The following TNFRSF10D variants were observed in gnomAD, a reference collection of about 807,000 sequenced individuals.
TNFRSF10D encodes the protein tumor necrosis factor receptor superfamily member 10D.
A neutral mutation model predicts 42.1 loss-of-function variants in TNFRSF10D; 28 were observed. The ratio of observed to expected loss-of-function variants is 0.66; its 90% CI spans 0.49 to 0.91. The LOEUF (loss-of-function observed/expected upper bound fraction) is 0.91. Among genes scored for constraint, TNFRSF10D ranks in the 40% least tolerant of loss-of-function variants. The pLI, the probability that TNFRSF10D is intolerant of heterozygous loss-of-function variation, is 0.00. For missense variants in TNFRSF10D, 503 were observed against 486.1 expected (o/e 1.03, Z -0.33); for synonymous variants, 186 against 189.4 (o/e 0.98, Z 0.15).
At chr8:23,158,647 G>T (rs1298023937) in intron 1 of TNFRSF10D, among the ~76,000 whole-genome samples, 2 of 152,032 alleles carry the variant, frequency 1.3e-5, no homozygotes, top group African/African-American at 4.8e-5. Flanking sequence ...TTTTTCCCCT[G>T]CACATTTTAA....
intron 1 of TNFRSF10D, among the ~76,000 whole-genome samples, chr8:23,162,524 A>C (rs919021819): frequency 8.6e-5 from 13 of 150,962 alleles, no homozygotes; most frequent in African/African-American, 3.2e-4. Context: ...GTTTTTTGGT[A>C]TTACGTAAGA....
chr8:23,138,567 A>T (rs1281648701), intron 7 of TNFRSF10D, among the ~76,000 whole-genome samples: 3 of 151,976 alleles, frequency 2.0e-5, no homozygotes, highest in Admixed American at 2.0e-4. Context: ...CTTCTGCCCC[A>T]TCTAATCAAC....
At chr8:23,159,355 G>C (rs1334879432) in intron 1 of TNFRSF10D, among the ~76,000 whole-genome samples, 3 of 151,962 alleles carry the variant, frequency 2.0e-5, no homozygotes, top group Non-Finnish European at 4.4e-5. Context: ...AGCAGGAGAT[G>C]AAAGTCCCCA....
chr8:23,159,990 G>A (rs145368754), intron 1 of TNFRSF10D, among the ~76,000 whole-genome samples: 3 of 151,444 alleles, frequency 2.0e-5, no homozygotes, highest in Non-Finnish European at 4.4e-5. Context: ...TCTCAATGGT[G>A]ACTCTAACCA....
rs1814341553 is a variant in TNFRSF10D at position 23,136,977 on chromosome 8, A to G, written c.*893T>C. ...GATTTCTCCCTCCGTCACTAGTTAT[A>G]TTTTTAGTCATTTTTGACTGCTGAT... On this transcript the variant is annotated 3_prime_UTR_variant, in exon 9 of 9. Transcript: ENST00000312584. The G allele has an allele frequency of 6.6e-6, 1 of 152,070 alleles. No homozygotes were observed. The highest frequency in any genetic ancestry group is 1.5e-5 in the Non-Finnish European group (1 of 68,018). 9.4% of individuals were successfully genotyped at this position (152,070 alleles called of 1,614,324 possible). A position where few individuals can be genotyped will look rare whatever the true frequency, so the allele number is the denominator to read the frequency against.
chr8:23,145,530 C>G, intron 5 of TNFRSF10D, 138 bp downstream of exon 5: 1 of 1,292,930 alleles, frequency 7.7e-7, no homozygotes, highest in Non-Finnish European at 1.1e-6. Context: ...GGGGATGGGG[C>G]GATCACAAGA....
At chr8:23,162,385 G>C (rs577502707) in intron 1 of TNFRSF10D, among the ~76,000 whole-genome samples, 104 of 152,300 alleles carry the variant, frequency 6.8e-4, no homozygotes, top group Non-Finnish European at 1.4e-3. Flanking sequence ...ATAAACTATT[G>C]TAGAAGTCAG....
chr8:23,142,497 C>T (rs1031240411), intron 7 of TNFRSF10D, among the ~76,000 whole-genome samples: 8 of 152,230 alleles, frequency 5.3e-5, no homozygotes, highest in African/African-American at 1.4e-4. Flanking sequence ...AATGTAGGAA[C>T]GCAAAACCAA....
At chr8:23,144,330 G>T in intron 7 of TNFRSF10D, 120 bp downstream of exon 7, 2 of 1,196,812 alleles carry the variant, frequency 1.7e-6, no homozygotes, top group Non-Finnish European at 2.3e-6. Flanking sequence ...GCAGTCCCCT[G>T]TCTCCCAAAG....
intron 2 of TNFRSF10D, among the ~76,000 whole-genome samples, chr8:23,151,366 G>T (rs375177360): frequency 2.6e-5 from 4 of 152,134 alleles, no homozygotes; most frequent in African/African-American, 9.6e-5. Context: ...AAAACGGGGG[G>T]AGTTCATCTT....
At position 23,144,461 on chromosome 8, in the gene TNFRSF10D, G is replaced by C; in HGVS notation, c.943C>G (p.Gln315Glu). 1.2e-6 allele frequency: 2 copies of C among 1,614,044 alleles called. No individual in the cohort carries two copies. The highest frequency in any genetic ancestry group is 1.3e-5 in the African/African-American group (1 of 75,070). ...CCTCCTCAACTCACCAGCAGACGCT[G>C]TGGCTCCTCTGGCAACTCTACAGTC... ...GVTVELPEEP[Q>E]RLLEQAEAEG... Residue 315 changes from glutamine to glutamate, a missense_variant, in exon 7 of 9, where the codon CAG becomes GAG. By Grantham distance (29) the Gln-to-Glu change is conservative. Transcript: ENST00000312584.
Position 23,137,913 on chromosome 8 carries a change from A to G in TNFRSF10D, c.1118T>C (p.Phe373Ser), listed in dbSNP as rs1814363909. Residue 373 changes from phenylalanine to serine, a missense_variant, in exon 9 of 9, where the codon TTT (phenylalanine) becomes TCT (serine). Physicochemically the swap from Phe to Ser is radical, Grantham distance 155 (BLOSUM62 -2). Transcript: ENST00000312584. ...QDQLVGSEKL[F>S]YEEDEAGSAT... is the part of the protein sequence containing the mutation. The stretch of plus-strand genomic sequence containing the variant: ...AGAGCCTGCCTCATCTTCTTCATAA[A>G]AGAGCTTTTCGGAGCCCACCAGTTG... 6.2e-7 allele frequency: 1 copy of G among 1,614,088 alleles called. No homozygotes were observed. Among genetic ancestry groups the G allele is most frequent in the South Asian group, 1.1e-5 (1 of 91,090 alleles).
intron 7 of TNFRSF10D, among the ~76,000 whole-genome samples, chr8:23,141,593 T>C (rs1277715468): frequency 6.6e-6 from 1 of 150,840 alleles, no homozygotes. Flanking sequence ...AAAGGTCTAA[T>C]ATTCAGGAGC....
Position 23,145,905 on chromosome 8 carries a change from C to A in TNFRSF10D, c.499G>T (p.Val167Phe). 1 of 1,614,164 alleles carries A rather than the reference C, an allele frequency of 6.2e-7. No homozygotes were observed. Among genetic ancestry groups the A allele is most frequent in the Non-Finnish European group, 8.5e-7 (1 of 1,180,030 alleles). ...TCRTGCPRGM[V>F]KVSNCTPRSD... is the part of the protein sequence containing the mutation. ...CGGGGCGTACAATTACTGACCTTGA[C>A]CATCCCTCTGGGACACCTGGGTACA... Residue 167 changes from valine to phenylalanine, a missense_variant, in exon 5 of 9, where the codon GTC becomes TTC. By Grantham distance (50) the Val-to-Phe change is conservative. Transcript: ENST00000312584.
chr8:23,151,372 A>G (rs898957572), intron 2 of TNFRSF10D, among the ~76,000 whole-genome samples: 1 of 151,878 alleles, frequency 6.6e-6, no homozygotes, highest in African/African-American at 2.4e-5. Flanking sequence ...GGGGGAGTTC[A>G]TCTTTAGCAT....
intron 1 of TNFRSF10D, among the ~76,000 whole-genome samples, chr8:23,160,523 A>G (rs377345272): frequency 5.3e-3 from 799 of 152,016 alleles, no homozygotes; most frequent in African/African-American, 0.017. Flanking sequence ...TTGCTCCTGA[A>G]TCTCATTTTG....
intron 7 of TNFRSF10D, among the ~76,000 whole-genome samples, chr8:23,140,025 C>T (rs543519105): frequency 1.4e-4 from 22 of 152,222 alleles, no homozygotes; most frequent in South Asian, 4.2e-4. Flanking sequence ...TACGGTGGCT[C>T]ACGCCTGTAA....
At chr8:23,158,940 A>G (rs1800320806) in intron 1 of TNFRSF10D, among the ~76,000 whole-genome samples, 3 of 151,996 alleles carry the variant, frequency 2.0e-5, no homozygotes, top group South Asian at 4.2e-4. Context: ...GTGTTTCTTC[A>G]TTTTTCAATG....
At position 23,144,669 on chromosome 8, in the gene TNFRSF10D, C is replaced by T. The variant is rs115896051; in HGVS notation, c.769-34G>A. ...GACAAAGAGCCCACTCAAGTCCACA[C>T]CCCGGGCTCAGCTTCAGGGTCCCCA... On this transcript the variant is annotated intron_variant, in intron 6 of 8. Transcript: ENST00000312584. The T allele has an allele frequency of 1.7e-3, 2,726 of 1,597,404 alleles. No individual in the cohort carries two copies. The African/African-American group carries it at 0.02, about 12-fold the overall frequency.
Sources: gnomAD v4.1 joint callset for allele counts (sites outside exome capture counted in the v4.1 genomes callset) on GRCh38, gnomAD v4.1.1 for gene constraint, MANE v1.5 for transcripts, NCBI Gene and HGNC (gene_info 2026-07-23, HGNC 2026-07-21) for gene names.